The following RFTN2 variants were observed in gnomAD, a reference collection of about 807,000 sequenced individuals.
The protein encoded by RFTN2 is raftlin family member 2.
In RFTN2, 34 loss-of-function variants were observed where a neutral mutation model predicts 52.7. That is an observed-to-expected ratio of 0.64 (90% CI 0.49 to 0.86). The LOEUF (loss-of-function observed/expected upper bound fraction) is 0.86, where lower values mean the gene tolerates loss of function less well. RFTN2 is among the 40% of genes least tolerant of loss of function. The pLI is 0.00. For missense variants in RFTN2, 536 were observed against 600.1 expected, an observed-to-expected ratio of 0.89 and a Z score of 1.12; for synonymous variants, 203 against 217.7, an observed-to-expected ratio of 0.93 and a Z score of 0.59.
chr2:197,646,798 C>T, intron 1 of RFTN2, 132 bp from the exon 2 acceptor site: 1 of 662,314 alleles, frequency 1.5e-6, no homozygotes, highest in Non-Finnish European at 2.4e-6. Context: ...GCGTGTAATC[C>T]CAGCACTTTG....
intron 1 of RFTN2, among the ~76,000 whole-genome samples, chr2:197,651,710 A>G (rs1377181577): frequency 6.6e-6 from 1 of 152,200 alleles, no homozygotes; most frequent in Non-Finnish European, 1.5e-5. Context: ...TAGGAGTTTT[A>G]TAGGTTTATT....
At chr2:197,641,486 G>A (rs1315739708) in intron 3 of RFTN2, among the ~76,000 whole-genome samples, 2 of 152,124 alleles carry the variant, frequency 1.3e-5, no homozygotes, top group African/African-American at 4.8e-5. Context: ...CTTCCTCTAG[G>A]TCTTGTTAGT....
At chr2:197,653,985 C>A (rs6733834) in intron 1 of RFTN2, among the ~76,000 whole-genome samples, 1 of 152,086 alleles carries the variant, frequency 6.6e-6, no homozygotes, top group African/African-American at 2.4e-5. Context: ...AAACCAGGAT[C>A]ATTTATCTTA....
rs1207801357 is a variant in RFTN2 at position 197,569,766 on chromosome 2, A to C, written c.*2242T>G. On this transcript the variant is annotated 3_prime_UTR_variant, in exon 9 of 9. Transcript: ENST00000295049. ...GAGACCAGCCTGGCCAACATGGTGA[A>C]ACCCCATCTCTACTAAAATTACAAA... is the stretch of plus-strand genomic sequence containing the variant. The C allele has an allele frequency of 6.6e-6, 1 of 152,038 alleles. No individual in the cohort carries two copies. The highest frequency in any genetic ancestry group is 1.5e-5 in the Non-Finnish European group (1 of 68,064). 9.4% of individuals were successfully genotyped at this position (152,038 alleles called of 1,614,324 possible).
At chr2:197,643,387 C>T (rs2088702190) in intron 3 of RFTN2, among the ~76,000 whole-genome samples, 1 of 152,160 alleles carries the variant, frequency 6.6e-6, no homozygotes, top group Non-Finnish European at 1.5e-5. Flanking sequence ...GCCACCACAC[C>T]TGGCCTTAAC....
rs750187644 is a variant in RFTN2 at position 197,596,018 on chromosome 2, C to T, written c.1206G>A (p.Met402Ile). The part of the protein sequence containing the change: ...KQIVFLQRPV[M>I]WNSAAQTPDK... Reference sequence around the variant, plus strand: ...CTGGTGTTTGAGCAGCTGAATTCCACATAACTGGCCTCTGAAGGAATACGA... The same window carrying T: ...CTGGTGTTTGAGCAGCTGAATTCCATATAACTGGCCTCTGAAGGAATACGA... Residue 402 changes from methionine (M) to isoleucine (I), a missense_variant, in exon 8 of 9, where the codon ATG becomes ATA. Physicochemically the swap from Met to Ile is conservative, Grantham distance 10. Transcript: ENST00000295049. 57 of 1,612,132 alleles carry T rather than the reference C, an allele frequency of 3.5e-5. No homozygotes were observed. The highest frequency in any genetic ancestry group is 4.4e-5 in the Non-Finnish European group (52 of 1,178,548).
At chr2:197,634,991 G>GT (rs199803998) in intron 3 of RFTN2, among the ~76,000 whole-genome samples, 70,275 of 149,882 alleles carry the variant, frequency 0.47, 16,789 homozygotes, top group Middle Eastern at 0.57. Flanking sequence ...GCGGTGTTTC[G>GT]TTTTTTGTTC....
chr2:197,595,786 A>G (rs1414369564), intron 8 of RFTN2, among the ~76,000 whole-genome samples: 1 of 152,212 alleles, frequency 6.6e-6, no homozygotes, highest in Non-Finnish European at 1.5e-5. Context: ...CCTCTTGCCA[A>G]AGTGGCATAT....
chr2:197,634,523 C>T (rs960924256), intron 3 of RFTN2, among the ~76,000 whole-genome samples: 30 of 151,994 alleles, frequency 2.0e-4, no homozygotes, highest in Non-Finnish European at 3.7e-4. Flanking sequence ...ATTTATACCA[C>T]TACTCTTACA....
At position 197,633,817 on chromosome 2, in the gene RFTN2, A is replaced by T. The variant is rs1484163248; in HGVS notation, c.619T>A (p.Ser207Thr). The T allele has an allele frequency of 1.2e-6, 2 of 1,613,892 alleles. No individual in the cohort carries two copies. Among genetic ancestry groups the T allele is most frequent in the Admixed American group, 1.7e-5 (1 of 59,990 alleles). Reference sequence around the variant, plus strand: ...AGTTCTTCCTCAATTCCGCTTTCAGATGACTGCCCACTTAACGTCCCTTCA... The same window carrying T: ...AGTTCTTCCTCAATTCCGCTTTCAGTTGACTGCCCACTTAACGTCCCTTCA... The part of the protein sequence containing the change: ...WNEGTLSGQS[S>T]ESGIEEELHH... Residue 207 changes from serine to threonine, a missense_variant, in exon 4 of 9, where the codon TCT becomes ACT. Physicochemically the swap from Ser to Thr is moderately conservative, Grantham distance 58. Coordinates refer to ENST00000295049, the MANE Select transcript of RFTN2 (RefSeq NM_144629.3).
At chr2:197,576,612 T>C (rs1160690352) in intron 8 of RFTN2, among the ~76,000 whole-genome samples, 2 of 152,206 alleles carry the variant, frequency 1.3e-5, no homozygotes, top group African/African-American at 4.8e-5. Flanking sequence ...ATTCATCTGT[T>C]GAAATGCAGT....
chr2:197,607,143 T>C (rs1230748136), intron 7 of RFTN2, among the ~76,000 whole-genome samples: 2 of 152,196 alleles, frequency 1.3e-5, no homozygotes, highest in African/African-American at 4.8e-5. Context: ...TGGAATACTA[T>C]GCAGCCATAA....
intron 7 of RFTN2, among the ~76,000 whole-genome samples, chr2:197,604,914 C>A (rs1406848762): frequency 1.3e-5 from 2 of 152,088 alleles, no homozygotes; most frequent in Non-Finnish European, 2.9e-5. Flanking sequence ...GCATGTGACA[C>A]CATGCCCGGC....
chr2:197,617,545 T>C (rs192241743), intron 6 of RFTN2, among the ~76,000 whole-genome samples: 1 of 152,102 alleles, frequency 6.6e-6, no homozygotes, highest in Non-Finnish European at 1.5e-5. Flanking sequence ...ATGAGTATGG[T>C]GGTGCAGGCC....
At chr2:197,585,693 G>A (rs963004401) in intron 8 of RFTN2, among the ~76,000 whole-genome samples, 2 of 151,776 alleles carry the variant, frequency 1.3e-5, no homozygotes, top group African/African-American at 2.4e-5. Context: ...AGCTGTCCCC[G>A]CCTTACATAC....
At chr2:197,608,623 C>CTTTTTTTT (rs57681105) in intron 7 of RFTN2, among the ~76,000 whole-genome samples, 5 of 99,492 alleles carry the variant, frequency 5.0e-5, no homozygotes, top group Non-Finnish European at 7.9e-5. Context: ...TGGGACCAGA[C>CTTTTTTTT]TTTTTTTTTT....
At chr2:197,667,705 C>T (rs1047190608) in intron 1 of RFTN2, among the ~76,000 whole-genome samples, 2 of 152,152 alleles carry the variant, frequency 1.3e-5, no homozygotes, top group African/African-American at 2.4e-5. Flanking sequence ...CTGTAAACAA[C>T]ATCAGTTGTA....
In RFTN2 at chr2:197,631,011, CTT is replaced by C; in HGVS notation, c.926_927del (p.Lys309ArgfsTer6). 1 of 1,576,060 alleles carries C rather than the reference CTT, an allele frequency of 6.3e-7. No homozygotes were observed. The highest frequency in any genetic ancestry group is 8.7e-7 in the Non-Finnish European group (1 of 1,147,588). On this transcript the variant is annotated frameshift_variant and splice_region_variant, in exon 5 of 9. Transcript: ENST00000295049. LOFTEE classifies it high-confidence loss of function. ...IDSFVFWETS[K>X]GEHLPKSLEG... Reference sequence around the variant, plus strand: ...AAAATATCATTAACATAAAACTTACCTTTAGATGTTTCCCAGAATACAAAAGA... The same window carrying C: ...AAAATATCATTAACATAAAACTTACCTAGATGTTTCCCAGAATACAAAAGA...
chr2:197,583,238 G>C (rs2087539475), intron 8 of RFTN2, among the ~76,000 whole-genome samples: 1 of 152,118 alleles, frequency 6.6e-6, no homozygotes, highest in Admixed American at 6.5e-5. Flanking sequence ...TCAAGCTCGG[G>C]GATTAGCCCA....
Sources: allele counts gnomAD v4.1 joint callset (sites outside exome capture counted in the v4.1 genomes callset), GRCh38; gene constraint gnomAD v4.1.1; transcripts MANE v1.5; gene names NCBI Gene and HGNC (gene_info 2026-07-23, HGNC 2026-07-21).